The following PAFAH1B1 variants were observed in gnomAD, a reference collection of about 807,000 sequenced individuals.
PAFAH1B1 encodes platelet activating factor acetylhydrolase 1b regulatory subunit 1, also known as platelet-activating factor acetylhydrolase IB subunit beta.
Under a neutral mutation model 57.5 loss-of-function variants are expected in PAFAH1B1, and 2 were observed. The ratio of observed to expected loss-of-function variants is 0.03; its 90% CI spans 0.01 to 0.11. The LOEUF (loss-of-function observed/expected upper bound fraction) is 0.11, where lower values mean the gene tolerates loss of function less well. PAFAH1B1 is among the 10% of genes least tolerant of loss of function. The pLI is 1.00. For synonymous variants in PAFAH1B1, 152 were observed against 169.6 expected, an observed-to-expected ratio of 0.90 and a Z score of 0.81; for missense variants, 257 against 512.0, an observed-to-expected ratio of 0.50 and a Z score of 4.81.
chr17:2,640,482 C>T (rs1250723067), intron 2 of PAFAH1B1: 5 of 142,144 alleles, frequency 3.5e-5, no homozygotes, highest in Admixed American at 7.3e-5. Flanking sequence ...GACAGAGCCT[C>T]GCACTGTCAC....
intron 1 of PAFAH1B1, among the ~76,000 whole-genome samples, chr17:2,619,259 C>T (rs1168714276): frequency 1.3e-5 from 2 of 152,074 alleles, no homozygotes; most frequent in Non-Finnish European, 2.9e-5. Context: ...CTTAGGTGAT[C>T]CTCCCACTTC....
At chr17:2,636,799 G>A (rs966405907) in intron 1 of PAFAH1B1, among the ~76,000 whole-genome samples, 2 of 151,942 alleles carry the variant, frequency 1.3e-5, no homozygotes, top group Admixed American at 6.6e-5. Flanking sequence ...TGGCATGATC[G>A]TAGCTTTCCA....
intron 9 of PAFAH1B1, among the ~76,000 whole-genome samples, chr17:2,678,961 A>G (rs1295978051): frequency 1.3e-5 from 2 of 152,202 alleles, no homozygotes; most frequent in African/African-American, 4.8e-5. Context: ...ACATGCAGCT[A>G]TTATACTCTT....
intron 2 of PAFAH1B1, among the ~76,000 whole-genome samples, chr17:2,657,691 A>G (rs1415219816): frequency 6.6e-6 from 1 of 152,174 alleles, no homozygotes; most frequent in Non-Finnish European, 1.5e-5. Context: ...TTATAAAAAG[A>G]TTCTTCCATT....
chr17:2,619,628 A>G (rs187056675), intron 1 of PAFAH1B1, among the ~76,000 whole-genome samples: 61 of 152,150 alleles, frequency 4.0e-4, no homozygotes, highest in African/African-American at 1.4e-3. Flanking sequence ...TAGGTAACAT[A>G]TGGTACTTCT....
chr17:2,682,888 T>G lies in PAFAH1B1; in HGVS notation c.*1086T>G, dbSNP rs2069406033. On this transcript the variant is annotated 3_prime_UTR_variant, in exon 11 of 11. Transcript: ENST00000397195. ...ATAAAAATGTACTGTTTTCACCTTT[T>G]GTTTATATGTAAATGTTTGTAAGTA... The G allele has an allele frequency of 6.6e-6, 1 of 152,666 alleles. No homozygotes were observed. Among genetic ancestry groups the G allele is most frequent in the South Asian group, 2.1e-4 (1 of 4,830 alleles). The allele number at this position is 152,666 out of a possible 1,614,324, so 9.5% of individuals were successfully genotyped here.
chr17:2,623,811 G>T (rs997436776), intron 1 of PAFAH1B1, among the ~76,000 whole-genome samples: 1 of 130,186 alleles, frequency 7.7e-6, no homozygotes, highest in African/African-American at 2.9e-5. Context: ...GCTAATTTTT[G>T]TGTTTTTAGT....
chr17:2,654,470 C>A (rs557969762), intron 2 of PAFAH1B1, among the ~76,000 whole-genome samples: 1 of 151,932 alleles, frequency 6.6e-6, no homozygotes, highest in African/African-American at 2.4e-5. Flanking sequence ...CCACTCCACT[C>A]GGTCTGTCTT....
At chr17:2,662,408 G>GTGTA (rs1405136225) in intron 2 of PAFAH1B1, among the ~76,000 whole-genome samples, 11 of 150,600 alleles carry the variant, frequency 7.3e-5, no homozygotes, top group African/African-American at 2.4e-4. Context: ...GTGTGTGTGT[G>GTGTA]TGTGTGTGTG....
chr17:2,600,954 A>G (rs2068136531), intron 1 of PAFAH1B1, among the ~76,000 whole-genome samples: 1 of 151,724 alleles, frequency 6.6e-6, no homozygotes. Context: ...CTGATCTCGA[A>G]CTCCTGACCT....
intron 6 of PAFAH1B1, among the ~76,000 whole-genome samples, chr17:2,671,876 T>G (rs556720127): frequency 2.6e-5 from 4 of 152,280 alleles, no homozygotes; most frequent in African/African-American, 9.6e-5. Context: ...GTGCTGGGAT[T>G]ACAGGCATGA....
At chr17:2,676,825 G>GTT (rs1402828059) in intron 9 of PAFAH1B1, among the ~76,000 whole-genome samples, 10 of 152,194 alleles carry the variant, frequency 6.6e-5, no homozygotes, top group African/African-American at 2.2e-4. Flanking sequence ...GCCAGTCGGT[G>GTT]TTTGAGGGGG....
intron 1 of PAFAH1B1, among the ~76,000 whole-genome samples, chr17:2,611,609 A>T (rs896997608): frequency 6.6e-6 from 1 of 152,162 alleles, no homozygotes; most frequent in African/African-American, 2.4e-5. Context: ...GATTAAATGT[A>T]AGGAGAGGTT....
At chr17:2,653,881 T>G (rs2068900408) in intron 2 of PAFAH1B1, among the ~76,000 whole-genome samples, 1 of 152,164 alleles carries the variant, frequency 6.6e-6, no homozygotes, top group South Asian at 2.1e-4. Flanking sequence ...CAATCTCGGC[T>G]TACTGCAACC....
Position 2,616,478 on chromosome 17 carries a change from C to T in PAFAH1B1, c.-190-21621C>T, listed in dbSNP as rs182645297. On this transcript the variant is annotated intron_variant, in intron 1 of 10. Coordinates refer to ENST00000397195, the MANE Select transcript of PAFAH1B1 (RefSeq NM_000430.4). ...AAGAGGTGATGTTGCATCTCAAGTC[C>T]AAACGCAGTCTTTTGGCAGAATTCT... Among the ~76,000 whole-genome samples the T allele has an allele frequency of 1.4e-3, 208 of 152,224 alleles. 1 individual carries two copies. The highest frequency in any genetic ancestry group is 4.8e-3 in the African/African-American group (199 of 41,540).
chr17:2,672,980 A>C (rs911656962), intron 7 of PAFAH1B1, among the ~76,000 whole-genome samples: 4 of 152,136 alleles, frequency 2.6e-5, no homozygotes, highest in African/African-American at 9.7e-5. Context: ...AGACAGGAGA[A>C]TCACTTGAAC....
chr17:2,636,910 C>CG (rs1954240218), intron 1 of PAFAH1B1, among the ~76,000 whole-genome samples: 1 of 151,938 alleles, frequency 6.6e-6, no homozygotes, highest in African/African-American at 2.4e-5. Context: ...TCTGTAGAGA[C>CG]GGGGTCTCCT....
chr17:2,655,045 C>T (rs2068919200), intron 2 of PAFAH1B1, among the ~76,000 whole-genome samples: 2 of 151,216 alleles, frequency 1.3e-5, no homozygotes, highest in Non-Finnish European at 2.9e-5. Context: ...AACAATCCTC[C>T]CGCATTGGCC....
At chr17:2,607,488 T>G (rs887423165) in intron 1 of PAFAH1B1, among the ~76,000 whole-genome samples, 1 of 151,508 alleles carries the variant, frequency 6.6e-6, no homozygotes, top group Non-Finnish European at 1.5e-5. Context: ...TCTTTTCTTT[T>G]TCTTTTTTTT....
Sources: allele counts gnomAD v4.1 joint callset (sites outside exome capture counted in the v4.1 genomes callset), GRCh38; gene constraint gnomAD v4.1.1; transcripts MANE v1.5; gene names NCBI Gene and HGNC (gene_info 2026-07-23, HGNC 2026-07-21).